Variants in CSF2RA observed in about 807,000 individuals in gnomAD.
CSF2RA encodes the protein granulocyte-macrophage colony-stimulating factor receptor subunit alpha.
CSF2RA carries 42 observed loss-of-function variants against 51.6 expected under a neutral mutation model. The observed-to-expected ratio is 0.81, with a 90% CI of 0.64 to 1.05. The LOEUF (loss-of-function observed/expected upper bound fraction) is 1.05, where lower values mean the gene tolerates loss of function less well. Ranked by LOEUF, CSF2RA falls within the 50% of genes least tolerant of loss-of-function variation. CSF2RA has a pLI of 0.00. For synonymous variants in CSF2RA, 222 were observed against 193.0 expected (o/e 1.15, Z -1.24); for missense variants, 530 against 501.1 (o/e 1.06, Z -0.55).
At chrX:1,294,705 A>G (rs1232062608) in intron 8 of CSF2RA, among the ~76,000 whole-genome samples, 3 of 152,108 alleles carry the variant, frequency 2.0e-5, no homozygotes, top group African/African-American at 7.2e-5. Context: ...TGGAACCAGG[A>G]AGTGGACCGG....
At chrX:1,299,672 C>A (rs1290931916) in intron 9 of CSF2RA, among the ~76,000 whole-genome samples, 1 of 152,164 alleles carries the variant, frequency 6.6e-6, no homozygotes, top group Non-Finnish European at 1.5e-5. Context: ...CATCCCAGCA[C>A]CTTGGGAGGC....
chrX:1,323,158 TATAAAATAAA>T, the CSF2RA span, among the ~76,000 whole-genome samples: 120 of 134,022 alleles, frequency 9.0e-4, no homozygotes, highest in African/African-American at 3.8e-3. Context: ...ACATTACAAT[TATAAAATAAA>T]ATAAAATAAA....
chrX:1,304,696 C>T (rs1413582288), intron 11 of CSF2RA, among the ~76,000 whole-genome samples: 12 of 151,700 alleles, frequency 7.9e-5, no homozygotes, highest in African/African-American at 2.9e-4. Context: ...CAGACTTTTG[C>T]TCTTGTTGCC....
intron 4 of CSF2RA, among the ~76,000 whole-genome samples, chrX:1,286,832 G>T: frequency 6.6e-6 from 1 of 152,216 alleles, no homozygotes; most frequent in Middle Eastern, 3.4e-3. Context: ...AAGCAGGACG[G>T]AGAAAAGTAA....
At chrX:1,290,640 C>T (rs2091310806) in intron 7 of CSF2RA, 131 bp downstream of exon 7, 3 of 911,766 alleles carry the variant, frequency 3.3e-6, no homozygotes, top group Non-Finnish European at 5.5e-6. Flanking sequence ...CGAGGCGGGC[C>T]GATCACCTGA....
chrX:1,284,912 C>T (rs2090465463), intron 3 of CSF2RA, among the ~76,000 whole-genome samples: 3 of 151,974 alleles, frequency 2.0e-5, no homozygotes, highest in Non-Finnish European at 2.9e-5. Context: ...GGTGATCCGC[C>T]CACCTCAGCC....
chrX:1,319,702 C>T, the CSF2RA span, among the ~76,000 whole-genome samples: 35,597 of 143,432 alleles, frequency 0.25, 5,441 homozygotes, highest in Admixed American at 0.28. Flanking sequence ...AGCCATTCTT[C>T]ACGCCTTTGC....
At chrX:1,316,319 CAGAG>C in the CSF2RA span, among the ~76,000 whole-genome samples, 532 of 148,356 alleles carry the variant, frequency 3.6e-3, 2 homozygotes, top group African/African-American at 0.013. Context: ...GACAGACAGA[CAGAG>C]AGGTAGTTGG....
intron 3 of CSF2RA, among the ~76,000 whole-genome samples, chrX:1,283,391 C>T (rs1569496312): frequency 6.9e-6 from 1 of 145,598 alleles, no homozygotes; most frequent in African/African-American, 2.6e-5. Flanking sequence ...TTCTTTCTTT[C>T]TCTTTCTTCC....
At chrX:1,287,383 A>C (rs1455417386) in intron 4 of CSF2RA, among the ~76,000 whole-genome samples, 3 of 149,104 alleles carry the variant, frequency 2.0e-5, no homozygotes, top group African/African-American at 5.0e-5. Context: ...CCAACTCCTG[A>C]CCTCGTGATC....
At chrX:1,287,818 C>A (rs1452730916) in intron 4 of CSF2RA, among the ~76,000 whole-genome samples, 1 of 139,012 alleles carries the variant, frequency 7.2e-6, no homozygotes, top group South Asian at 2.3e-4. Context: ...CTCACTGCAA[C>A]CTGTGCCTCC....
downstream of CSF2RA, among the ~76,000 whole-genome samples, chrX:1,314,558 GCCCAATCCCACTGCA>G (rs1569514947): frequency 4.6e-5 from 4 of 87,824 alleles, 1 homozygote; most frequent in African/African-American, 1.4e-4. Flanking sequence ...CACTGCACCT[GCCCAATCCCACTGCA>G]CCTGCCCAAC....
chrX:1,274,906 A>G (rs28713332), intron 2 of CSF2RA, 88 bp downstream of exon 2: 414,623 of 450,242 alleles, frequency 0.92, 191,467 homozygotes, highest in Admixed American at 0.95. Context: ...GTTTTGCTCC[A>G]TAATGATGAA....
intron 2 of CSF2RA, among the ~76,000 whole-genome samples, chrX:1,281,115 C>G (rs867250170): frequency 2.6e-5 from 2 of 75,744 alleles, no homozygotes; most frequent in African/African-American, 8.4e-5. Flanking sequence ...TCCTCCTTCT[C>G]CTCCTCCTCC....
At chrX:1,307,316 C>T (rs2083674039) in intron 12 of CSF2RA, among the ~76,000 whole-genome samples, 2 of 152,086 alleles carry the variant, frequency 1.3e-5, no homozygotes, top group East Asian at 1.9e-4. Context: ...TTCTCCTTTA[C>T]ACTTTCGGCT....
chrX:1,314,451 T>TGCCCAACC (rs2084379035), downstream of CSF2RA, among the ~76,000 whole-genome samples: 1 of 20,468 alleles, frequency 4.9e-5, no homozygotes, highest in African/African-American at 2.2e-4. Context: ...CTTGCCCAAT[T>TGCCCAACC]GCACTGCACC....
At chrX:1,272,805 T>C (rs2088618103) in intron 1 of CSF2RA, among the ~76,000 whole-genome samples, 2 of 135,460 alleles carry the variant, frequency 1.5e-5, no homozygotes, top group South Asian at 4.6e-4. Context: ...CTTTTTCTTT[T>C]TTTTTTTCTT....
intron 6 of CSF2RA, 32 bp downstream of exon 6, chrX:1,288,920 G>A: frequency 1.2e-6 from 2 of 1,612,858 alleles, no homozygotes; most frequent in Non-Finnish European, 1.7e-6. Context: ...AGAATTATGA[G>A]GAATGCAGGG....
In CSF2RA at chrX:1,285,809, C is replaced by T; in HGVS notation, c.108C>T (p.Leu36=). ...DLRTVAPASS[L]NVRFDSRTMN... ...GAACAGTGGCACCAGCCTCTAGTCT[C>T]AATGTGAGGTTTGACTCCAGGACGA... The change falls in exon 4 of 13, where the codon CTC becomes CTT. Residue 36 remains leucine (L), a synonymous_variant. Transcript: ENST00000381529. The T allele has an allele frequency of 3.7e-6, 6 of 1,610,694 alleles. No individual in the cohort carries two copies. Among genetic ancestry groups the T allele is most frequent in the Non-Finnish European group, 5.1e-6 (6 of 1,178,318 alleles).
Sources: allele counts gnomAD v4.1 joint callset (sites outside exome capture counted in the v4.1 genomes callset), GRCh38; gene constraint gnomAD v4.1.1; transcripts MANE v1.5; gene names NCBI Gene and HGNC (gene_info 2026-07-23, HGNC 2026-07-21).